Variants in TMIGD3 observed in about 807,000 individuals in gnomAD.
The protein encoded by TMIGD3 is transmembrane and immunoglobulin domain containing 3, also known as AD026 protein (AD026).
In TMIGD3, 21 loss-of-function variants were observed where a neutral mutation model predicts 28.1. The observed-to-expected ratio is 0.75, with a 90% CI of 0.53 to 1.08. The LOEUF (loss-of-function observed/expected upper bound fraction) is 1.08. Ranked by LOEUF, TMIGD3 falls within the 50% of genes least tolerant of loss-of-function variation. The pLI is 0.00. For missense variants in TMIGD3, 416 were observed against 435.6 expected (o/e 0.96, Z 0.40); for synonymous variants, 151 against 162.1 (o/e 0.93, Z 0.52).
In TMIGD3 at chr1:111,534,228, C is replaced by T. The variant is rs1290014281; in HGVS notation, c.107+29618G>A. Among the ~76,000 whole-genome samples the T allele has an allele frequency of 3.9e-5, 6 of 152,274 alleles. No individual in the cohort carries two copies. The East Asian group carries it at 1.2e-3, about 29-fold the overall frequency. ...TCATGGGTATCTTTCAATATTAATA[C>T]AACCTCATTCATTGTAATGACAGCA... is the stretch of plus-strand genomic sequence containing the variant. On this transcript the variant is annotated intron_variant, in intron 1 of 5. Coordinates refer to the TMIGD3 transcript ENST00000369717.
intron 1 of TMIGD3, chr1:111,499,904 T>A (rs765016750): frequency 1.9e-6 from 3 of 1,594,248 alleles, no homozygotes; most frequent in Non-Finnish European, 1.7e-6. Flanking sequence ...TGTTTGTTGA[T>A]GGGGAATCTG....
chr1:111,534,711 T>C (rs1656583026), intron 1 of TMIGD3, among the ~76,000 whole-genome samples: 1 of 152,090 alleles, frequency 6.6e-6, no homozygotes, highest in Non-Finnish European at 1.5e-5. Context: ...ATGATGTAAA[T>C]GTAAAATCAA....
chr1:111,500,063 A>T (rs1347057570), intron 1 of TMIGD3: 1 of 1,614,246 alleles, frequency 6.2e-7, no homozygotes, highest in Non-Finnish European at 8.5e-7. Context: ...TTATAGGCAT[A>T]GACGATAGGG....
intron 1 of TMIGD3, among the ~76,000 whole-genome samples, chr1:111,541,576 C>G (rs1291704441): frequency 6.6e-6 from 1 of 152,008 alleles, no homozygotes; most frequent in African/African-American, 2.4e-5. Flanking sequence ...GATGCATAGT[C>G]TGAAACTCTG....
intron 1 of TMIGD3, among the ~76,000 whole-genome samples, chr1:111,552,064 A>G (rs1657283438): frequency 6.6e-6 from 1 of 152,128 alleles, no homozygotes; most frequent in Non-Finnish European, 1.5e-5. Flanking sequence ...GTTTGCCCCA[A>G]CTGTTATCCA....
At chr1:111,529,398 C>T (rs12029003) in intron 1 of TMIGD3, among the ~76,000 whole-genome samples, 15,024 of 148,878 alleles carry the variant, frequency 0.1, 835 homozygotes, top group East Asian at 0.18. Flanking sequence ...ATTGATCATT[C>T]TTGGGTGTTT....
intron 1 of TMIGD3, among the ~76,000 whole-genome samples, chr1:111,546,150 A>G (rs1160146853): frequency 6.6e-6 from 1 of 152,160 alleles, no homozygotes; most frequent in Non-Finnish European, 1.5e-5. Context: ...CCATTTCTGC[A>G]AAAACCAAGG....
At chr1:111,491,469 G>T (rs1350052391) in intron 1 of TMIGD3, among the ~76,000 whole-genome samples, 1 of 152,266 alleles carries the variant, frequency 6.6e-6, no homozygotes, top group Non-Finnish European at 1.5e-5. Context: ...CTCAGGTGAA[G>T]TTAAGCTGGG....
chr1:111,521,603 A>G (rs1656062427), intron 1 of TMIGD3, among the ~76,000 whole-genome samples: 1 of 151,888 alleles, frequency 6.6e-6, no homozygotes, highest in Admixed American at 6.6e-5. Context: ...TTTTGTGCCC[A>G]TTTTTCTATT....
chr1:111,532,071 G>T, intron 1 of TMIGD3, among the ~76,000 whole-genome samples: 1 of 136,624 alleles, frequency 7.3e-6, no homozygotes, highest in Non-Finnish European at 1.6e-5. Flanking sequence ...CTCTGGCTGG[G>T]AGGAAAGATT....
Position 111,536,489 on chromosome 1 carries a change from C to T in TMIGD3, c.107+27357G>A, listed in dbSNP as rs371799838. On this transcript the variant is annotated intron_variant, in intron 1 of 5. Transcript: ENST00000369717. The stretch of plus-strand genomic sequence containing the variant: ...ACTATTAACTTCCTATTAATGATTA[C>T]GATAAATTGCTGTATACTAAGTCCT... Among the ~76,000 whole-genome samples the T allele has an allele frequency of 6.0e-4, 92 of 152,174 alleles. 2 individuals carry two copies. In the South Asian group the frequency reaches 0.018, roughly 30 times the overall value.
chr1:111,520,837 T>C (rs1450110974), intron 1 of TMIGD3, among the ~76,000 whole-genome samples: 2 of 152,338 alleles, frequency 1.3e-5, no homozygotes, highest in Non-Finnish European at 2.9e-5. Context: ...ATTTTATACC[T>C]TTATTGAAGT....
chr1:111,526,753 C>T (rs4839143), intron 1 of TMIGD3, among the ~76,000 whole-genome samples: 38,231 of 152,074 alleles, frequency 0.25, 5,970 homozygotes, highest in Non-Finnish European at 0.36. Flanking sequence ...TTGACAAATG[C>T]GTAGTACATG....
chr1:111,533,252 T>C (rs1239026025), intron 1 of TMIGD3, among the ~76,000 whole-genome samples: 1 of 152,212 alleles, frequency 6.6e-6, no homozygotes, highest in Non-Finnish European at 1.5e-5. Context: ...AAGCTGACAG[T>C]GTTAAATATC....
At position 111,492,905 on chromosome 1, in the gene TMIGD3, T is replaced by C. The variant is rs913744965; in HGVS notation, c.351-2143A>G. 6.6e-5 allele frequency among the ~76,000 whole-genome samples: 10 copies of C among 152,224 alleles called. No individual in the cohort carries two copies. The East Asian group carries it at 1.9e-3, about 29-fold the overall frequency. On this transcript the variant is annotated intron_variant, in intron 1 of 5. Coordinates refer to ENST00000369716, the MANE Select transcript of TMIGD3 (RefSeq NM_020683.7). ...ATGTGTCTACTAGTATTCTGAATAT[T>C]ACTTGGTGTATTAATTCCATAGAAT...
intron 1 of TMIGD3, among the ~76,000 whole-genome samples, chr1:111,559,128 G>T (rs1364679334): frequency 6.6e-6 from 1 of 152,116 alleles, no homozygotes; most frequent in African/African-American, 2.4e-5. Context: ...AGGACTAAGT[G>T]ATAAATAATA....
intron 1 of TMIGD3, among the ~76,000 whole-genome samples, chr1:111,553,217 G>A (rs1657341795): frequency 6.6e-6 from 1 of 152,190 alleles, no homozygotes; most frequent in South Asian, 2.1e-4. Context: ...TAATAAAAAT[G>A]TCTTTCTCCA....
chr1:111,539,280 CTGT>C (rs1656740141), intron 1 of TMIGD3, among the ~76,000 whole-genome samples: 1 of 152,116 alleles, frequency 6.6e-6, no homozygotes, highest in African/African-American at 2.4e-5. Flanking sequence ...GTCCCAGTGT[CTGT>C]TGTTCCCATC....
At chr1:111,556,314 C>T (rs1657491227) in intron 1 of TMIGD3, among the ~76,000 whole-genome samples, 1 of 152,098 alleles carries the variant, frequency 6.6e-6, no homozygotes, top group Non-Finnish European at 1.5e-5. Flanking sequence ...AATTATTGTG[C>T]ACTGCTGATG....
Sources: allele counts gnomAD v4.1 joint callset (sites outside exome capture counted in the v4.1 genomes callset), GRCh38; gene constraint gnomAD v4.1.1; transcripts MANE v1.5; gene names NCBI Gene and HGNC (gene_info 2026-07-23, HGNC 2026-07-21).